The following PRDM16 variants were observed in gnomAD, a reference collection of about 807,000 sequenced individuals.
The protein encoded by PRDM16 is histone-lysine N-methyltransferase PRDM16.
Under a neutral mutation model 110.6 loss-of-function variants are expected in PRDM16, and 23 were observed. The ratio of observed to expected loss-of-function variants is 0.21; its 90% CI spans 0.15 to 0.29. The LOEUF is 0.29. Among genes scored for constraint, PRDM16 ranks in the 10% least tolerant of loss-of-function variants. The pLI is 1.00. For missense variants in PRDM16, 1,615 were observed against 1,794.3 expected (o/e 0.90, Z 1.81); for synonymous variants, 799 against 781.8 (o/e 1.02, Z -0.37).
chr1:3,237,486 G>C (rs981181555), intron 2 of PRDM16, among the ~76,000 whole-genome samples: 4 of 152,200 alleles, frequency 2.6e-5, no homozygotes, highest in Non-Finnish European at 5.9e-5. Context: ...GTCTGCCCCA[G>C]AGTAGTGAAT....
At position 3,255,621 on chromosome 1, in the gene PRDM16, T is replaced by C. The variant is rs549815443; in HGVS notation, c.438+11484T>C. 3.9e-5 allele frequency among the ~76,000 whole-genome samples: 6 copies of C among 152,314 alleles called. No homozygotes were observed. The East Asian group carries it at 1.2e-3, about 29-fold the overall frequency. On this transcript the variant is annotated intron_variant, in intron 3 of 16. Transcript: ENST00000270722. This position sits in a 1 kb window ranked among gnomAD's most constrained non-coding sequence, Gnocchi z 4.7. ...GCACACGGTGCCCCTCCTTATCGCA[T>C]TCAACTTAGCTGCTGTGGGCAAGCA...
chr1:3,380,994 T>G (rs138389485), intron 3 of PRDM16, among the ~76,000 whole-genome samples: 1 of 152,184 alleles, frequency 6.6e-6, no homozygotes, highest in African/African-American at 2.4e-5. Context: ...AGATGTGAGG[T>G]TGGATGGAAG....
At chr1:3,124,814 G>A in intron 1 of PRDM16, among the ~76,000 whole-genome samples, 1 of 152,292 alleles carries the variant, frequency 6.6e-6, no homozygotes, top group South Asian at 2.1e-4. Flanking sequence ...GGTCAGGGTG[G>A]GAACATGCCA....
chr1:3,119,649 G>A (rs751864884), intron 1 of PRDM16, among the ~76,000 whole-genome samples: 25 of 152,218 alleles, frequency 1.6e-4, no homozygotes, highest in Admixed American at 3.9e-4. Flanking sequence ...GCCATGGCCC[G>A]ATGAGGCAGA....
intron 11 of PRDM16, 72 bp from the exon 12 acceptor site, chr1:3,418,595 A>G: frequency 1.9e-6 from 2 of 1,052,188 alleles, no homozygotes; most frequent in South Asian, 1.3e-5. Flanking sequence ...TTAGCTTGAA[A>G]CCATTTCTGG....
chr1:3,372,234 C>T (rs1365238649), intron 3 of PRDM16, among the ~76,000 whole-genome samples: 3 of 152,244 alleles, frequency 2.0e-5, no homozygotes, highest in South Asian at 2.1e-4. Flanking sequence ...AGCTGCCACA[C>T]GTGGGGGCTT....
chr1:3,353,023 C>T lies in PRDM16; in HGVS notation c.439-32129C>T, dbSNP rs1642525507. ...TTCCCGGTTGGGCTGAGGGCTGTTT[C>T]AGAGCAGTGCCCTGAGGAGGACCAG... On this transcript the variant is annotated intron_variant, in intron 3 of 16. Coordinates refer to ENST00000270722, the MANE Select transcript of PRDM16 (RefSeq NM_022114.4). This position sits in a 1 kb window ranked among gnomAD's most constrained non-coding sequence, Gnocchi z 5.4. 6.6e-6 allele frequency among the ~76,000 whole-genome samples: 1 copy of T among 152,206 alleles called. No homozygotes were observed. Among genetic ancestry groups the T allele is most frequent in the Non-Finnish European group, 1.5e-5 (1 of 68,032 alleles).
At chr1:3,383,603 C>G (rs537667553) in intron 3 of PRDM16, among the ~76,000 whole-genome samples, 1 of 152,196 alleles carries the variant, frequency 6.6e-6, no homozygotes, top group African/African-American at 2.4e-5. Context: ...CAGCACCAGG[C>G]CCGAGATGGC....
At position 3,410,096 on chromosome 1, in the gene PRDM16, TTG is replaced by T. The variant is rs756551857; in HGVS notation, c.1187-1279_1187-1278del. On this transcript the variant is annotated intron_variant, in intron 8 of 16. Coordinates refer to ENST00000270722, the MANE Select transcript of PRDM16 (RefSeq NM_022114.4). ...TGTGCATGTGTATGAATGTGTGTGG[TTG>T]TGTGTGTGCGTGTGTGTGGTGTGTG... Among the ~76,000 whole-genome samples the T allele has an allele frequency of 1.2e-4, 17 of 140,462 alleles. 1 individual carries two copies. Among genetic ancestry groups the T allele is most frequent in the South Asian group, 4.6e-4 (2 of 4,322 alleles). The allele number at this position is 140,462 out of a possible 152,430, so 92.1% of individuals were successfully genotyped here.
intron 1 of PRDM16, among the ~76,000 whole-genome samples, chr1:3,180,820 G>C (rs1367541420): frequency 1.3e-5 from 2 of 148,924 alleles, no homozygotes; most frequent in Non-Finnish European, 3.0e-5. Context: ...CACCTTTTCA[G>C]GTTCCCAACA....
chr1:3,357,126 C>A (rs538865649), intron 3 of PRDM16, among the ~76,000 whole-genome samples: 1 of 152,286 alleles, frequency 6.6e-6, no homozygotes, highest in East Asian at 1.9e-4. Flanking sequence ...AGGAAGGCTG[C>A]ATGCCGGCCC....
intron 1 of PRDM16, among the ~76,000 whole-genome samples, chr1:3,115,404 G>A (rs941979858): frequency 5.9e-5 from 9 of 152,356 alleles, no homozygotes; most frequent in East Asian, 1.9e-4. Flanking sequence ...CAAACCCAGC[G>A]GGACGGGGAG....
At chr1:3,256,714 G>A (rs577661086) in intron 3 of PRDM16, among the ~76,000 whole-genome samples, 19 of 152,124 alleles carry the variant, frequency 1.2e-4, no homozygotes, top group South Asian at 8.3e-4. Context: ...AAAATTAGCC[G>A]GGCATGGTGG....
chr1:3,311,799 G>T (rs74048225), intron 3 of PRDM16, among the ~76,000 whole-genome samples: 14,184 of 152,210 alleles, frequency 0.093, 742 homozygotes, highest in African/African-American at 0.13. Context: ...TTCTCAGAAG[G>T]CCCCAGATCT....
In PRDM16 at chr1:3,181,657, GTCTTACACAGTCTTACACGCGC is replaced by G. The variant is rs1569784482; in HGVS notation, c.38-4467_38-4446del. The stretch of plus-strand genomic sequence containing the variant: ...AGTCTTACACACGGTCTTACACACG[GTCTTACACAGTCTTACACGCGC>G]AGTCTTACACACGGTCTTACACACG... On this transcript the variant is annotated intron_variant, in intron 1 of 16. Coordinates refer to ENST00000270722, the MANE Select transcript of PRDM16 (RefSeq NM_022114.4). Among the ~76,000 whole-genome samples, 3 of 97,212 alleles carry G rather than the reference GTCTTACACAGTCTTACACGCGC, an allele frequency of 3.1e-5. 1 individual carries two copies. In the Admixed American group the frequency reaches 3.2e-4, roughly 10 times the overall value. The allele number at this position is 97,212 out of a possible 152,430, so 63.8% of individuals were successfully genotyped here. A position where few individuals can be genotyped will look rare whatever the true frequency, so the allele number is the denominator to read the frequency against.
At chr1:3,188,675 C>T (rs961250860) in intron 2 of PRDM16, among the ~76,000 whole-genome samples, 5 of 152,208 alleles carry the variant, frequency 3.3e-5, no homozygotes, top group East Asian at 3.9e-4. Context: ...GTTTTCCTTG[C>T]GAGTTCGGGC....
intron 1 of PRDM16, among the ~76,000 whole-genome samples, chr1:3,114,510 A>G (rs373852623): frequency 0.015 from 2,275 of 151,686 alleles, 54 homozygotes; most frequent in African/African-American, 0.045. Context: ...GCGCATGCAC[A>G]CACACATGAA....
intron 3 of PRDM16, among the ~76,000 whole-genome samples, chr1:3,263,497 C>T (rs1040986053): frequency 2.4e-4 from 36 of 152,338 alleles, no homozygotes; most frequent in Admixed American, 2.1e-3. Flanking sequence ...TCACTGGGAT[C>T]GCACTCACAG....
chr1:3,180,680 G>A (rs1016597126), intron 1 of PRDM16, among the ~76,000 whole-genome samples: 1 of 151,218 alleles, frequency 6.6e-6, no homozygotes, highest in Non-Finnish European at 1.5e-5. Flanking sequence ...AGGCAAGGGG[G>A]CCCGAACTTC....
Sources: allele counts gnomAD v4.1 joint callset (sites outside exome capture counted in the v4.1 genomes callset), GRCh38; gene constraint gnomAD v4.1.1; non-coding constraint Gnocchi (gnomAD v3.1); transcripts MANE v1.5; gene names NCBI Gene and HGNC (gene_info 2026-07-23, HGNC 2026-07-21).